The following CTCF variants were observed in gnomAD, a reference collection of about 807,000 sequenced individuals.
CTCF encodes transcriptional repressor CTCF.
CTCF carries 7 observed loss-of-function variants against 72.3 expected under a neutral mutation model. The observed-to-expected ratio is 0.10, with a 90% CI of 0.06 to 0.18. The LOEUF is 0.18. CTCF is among the 10% of genes least tolerant of loss of function. The pLI is 1.00. For missense variants in CTCF, 516 were observed against 949.1 expected, an observed-to-expected ratio of 0.54 and a Z score of 6.00; for synonymous variants, 374 against 315.8, an observed-to-expected ratio of 1.18 and a Z score of -1.95.
At chr16:67,629,367 G>A (rs551855693) in intron 9 of CTCF, 31 bp from the exon 10 acceptor site, 1 of 1,578,576 alleles carries the variant, frequency 6.3e-7, no homozygotes, top group South Asian at 1.2e-5. Context: ...TTTTTTAGTG[G>A]TGTGAAAGAG....
At chr16:67,596,174 G>T (rs754364305) in intron 2 of CTCF, among the ~76,000 whole-genome samples, 1 of 152,050 alleles carries the variant, frequency 6.6e-6, no homozygotes, top group Non-Finnish European at 1.5e-5. Context: ...GGATGGTCTC[G>T]ATCTCCTGAC....
At chr16:67,604,283 T>TG (rs1220648684) in intron 2 of CTCF, among the ~76,000 whole-genome samples, 1 of 152,202 alleles carries the variant, frequency 6.6e-6, no homozygotes, top group East Asian at 1.9e-4. Flanking sequence ...CACTCCAGTC[T>TG]GGGCAACAGA....
chr16:67,624,057 A>AC, intron 7 of CTCF, among the ~76,000 whole-genome samples: 1 of 147,458 alleles, frequency 6.8e-6, no homozygotes, highest in East Asian at 2.0e-4. Context: ...CAAAAAAAAA[A>AC]AAAAAAATTA....
intron 1 of CTCF, chr16:67,570,824 C>T (rs548280407): frequency 1.3e-5 from 2 of 148,224 alleles, no homozygotes; most frequent in East Asian, 2.0e-4. Context: ...CAGCTCAGTA[C>T]AGCCTCAAAC....
At chr16:67,626,916 G>A (rs949344853) in intron 8 of CTCF, 2 of 391,304 alleles carry the variant, frequency 5.1e-6, no homozygotes, top group South Asian at 1.3e-4. Flanking sequence ...TTCAGTCACA[G>A]CTTACCTCTT....
At chr16:67,609,983 G>A (rs1430874474) in intron 2 of CTCF, among the ~76,000 whole-genome samples, 1 of 152,052 alleles carries the variant, frequency 6.6e-6, no homozygotes, top group Admixed American at 6.6e-5. Context: ...ATGTTTAATA[G>A]CATCTCTAGC....
At position 67,614,492 on chromosome 16, in the gene CTCF, T is replaced by A. The variant is rs1597716265; in HGVS notation, c.953-2253T>A. The A allele has an allele frequency of 1.3e-5, 2 of 150,118 alleles. 1 individual carries two copies. The highest frequency in any genetic ancestry group is 3.0e-5 in the Non-Finnish European group (2 of 67,682). The allele number at this position is 150,118 out of a possible 1,614,324, so 9.3% of individuals were successfully genotyped here. A position where few individuals can be genotyped will look rare whatever the true frequency, so the allele number is the denominator to read the frequency against. ...CGGGTGGATCACTTGAGGTCAGGGG[T>A]TTGAGACCAGTCTGGCCAACATGAT... On this transcript the variant is annotated intron_variant, in intron 4 of 11. Coordinates refer to ENST00000264010, the MANE Select transcript of CTCF (RefSeq NM_006565.4).
At chr16:67,603,824 C>CAAAAA (rs35360126) in intron 2 of CTCF, among the ~76,000 whole-genome samples, 1 of 93,074 alleles carries the variant, frequency 1.1e-5, no homozygotes, top group Non-Finnish European at 2.3e-5. Flanking sequence ...GACTCTGTCT[C>CAAAAA]AAAAAAAAAA....
intron 2 of CTCF, among the ~76,000 whole-genome samples, chr16:67,601,275 CAG>C (rs1435006354): frequency 2.9e-4 from 33 of 114,196 alleles, no homozygotes; most frequent in African/African-American, 5.8e-4. Flanking sequence ...TTTTTTAAGA[CAG>C]AGTCTCACTC....
At chr16:67,631,457 G>C (rs1181468277) in intron 10 of CTCF, among the ~76,000 whole-genome samples, 1 of 151,856 alleles carries the variant, frequency 6.6e-6, no homozygotes, top group Non-Finnish European at 1.5e-5. Flanking sequence ...GAGCCACTGT[G>C]CCCGGCTGTT....
At chr16:67,636,284 G>A (rs1009949792) in intron 10 of CTCF, among the ~76,000 whole-genome samples, 11 of 151,858 alleles carry the variant, frequency 7.2e-5, no homozygotes, top group South Asian at 2.1e-4. Context: ...GCTGAGACAG[G>A]AGAATTAAAC....
chr16:67,633,648 T>C (rs1244660188), intron 10 of CTCF, among the ~76,000 whole-genome samples: 1 of 152,096 alleles, frequency 6.6e-6, no homozygotes, highest in Non-Finnish European at 1.5e-5. Flanking sequence ...ATGAAGCCTG[T>C]AATCCTAACA....
chr16:67,617,565 C>T (rs1264617581), intron 5 of CTCF, among the ~76,000 whole-genome samples: 1 of 151,962 alleles, frequency 6.6e-6, no homozygotes, highest in East Asian at 1.9e-4. Flanking sequence ...GCCTGTAATC[C>T]CAGCTACTTG....
At chr16:67,599,694 C>A (rs2051862033) in intron 2 of CTCF, among the ~76,000 whole-genome samples, 1 of 152,122 alleles carries the variant, frequency 6.6e-6, no homozygotes. Context: ...GATAGAGAAA[C>A]ACAATAAGGA....
At position 67,637,718 on chromosome 16, in the gene CTCF, A is replaced by T; in HGVS notation, c.2030A>T (p.Asn677Ile). The change falls in exon 12 of 12, where the codon AAT becomes ATT. Residue 677 changes from asparagine (N) to isoleucine (I), a missense_variant. By Grantham distance (149) the Asn-to-Ile change is moderately radical. Coordinates refer to ENST00000264010, the MANE Select transcript of CTCF (RefSeq NM_006565.4). ...PTAIIQVEDQ[N>I]TGAIENIIVE... Reference sequence around the variant, plus strand: ...GCTATCATTCAGGTTGAAGACCAGAATACAGGTGCAATTGAGAACATTATA... The same window carrying T: ...GCTATCATTCAGGTTGAAGACCAGATTACAGGTGCAATTGAGAACATTATA... 6.2e-7 allele frequency: 1 copy of T among 1,614,018 alleles called. No homozygotes were observed. The highest frequency in any genetic ancestry group is 8.5e-7 in the Non-Finnish European group (1 of 1,179,986).
intron 2 of CTCF, among the ~76,000 whole-genome samples, chr16:67,609,102 C>T (rs1489791953): frequency 6.6e-6 from 1 of 152,094 alleles, no homozygotes; most frequent in African/African-American, 2.4e-5. Context: ...GTGGCTCAGT[C>T]ACATGTATAA....
intron 2 of CTCF, among the ~76,000 whole-genome samples, chr16:67,606,018 GTCT>G (rs1165133109): frequency 3.9e-5 from 6 of 152,168 alleles, no homozygotes; most frequent in East Asian, 1.9e-4. Flanking sequence ...AGGAAATTAA[GTCT>G]TCTTCTTTGT....
At chr16:67,590,250 T>C (rs1472902409) in intron 2 of CTCF, among the ~76,000 whole-genome samples, 1 of 152,106 alleles carries the variant, frequency 6.6e-6, no homozygotes, top group African/African-American at 2.4e-5. Flanking sequence ...CTAGTTTCAC[T>C]GTTGCCATTA....
intron 2 of CTCF, among the ~76,000 whole-genome samples, chr16:67,579,599 T>C (rs1196252949): frequency 6.6e-6 from 1 of 152,130 alleles, no homozygotes; most frequent in African/African-American, 2.4e-5. Context: ...CCTCAGGTGA[T>C]CCACCTGCCT....
Sources: gnomAD v4.1 joint callset for allele counts (sites outside exome capture counted in the v4.1 genomes callset) on GRCh38, gnomAD v4.1.1 for gene constraint, MANE v1.5 for transcripts, NCBI Gene and HGNC (gene_info 2026-07-23, HGNC 2026-07-21) for gene names.